The following LRP1 variants were observed in gnomAD, a reference collection of about 807,000 sequenced individuals.
LRP1 encodes prolow-density lipoprotein receptor-related protein 1.
A neutral mutation model predicts 541.5 loss-of-function variants in LRP1; 51 were observed. That is an observed-to-expected ratio of 0.09 (90% CI 0.08 to 0.12). The LOEUF (loss-of-function observed/expected upper bound fraction) is 0.12. Ranked by LOEUF, LRP1 falls within the 10% of genes least tolerant of loss-of-function variation. LRP1 has a pLI of 1.00. For missense variants in LRP1, 3,878 were observed against 6,376.2 expected (o/e 0.61, Z 13.34); for synonymous variants, 2,219 against 2,470.8 (o/e 0.90, Z 3.02).
At chr12:57,193,140 G>A (rs777629470) in intron 45 of LRP1, 36 bp from the exon 46 acceptor site, 63 of 1,609,398 alleles carry the variant, frequency 3.9e-5, no homozygotes, top group Admixed American at 2.7e-4. Context: ...GGCCCACAGC[G>A]CTGGCTCAGA....
At position 57,173,879 on chromosome 12, in the gene LRP1, C is replaced by T. The variant is rs574645167; in HGVS notation, c.3446C>T (p.Ser1149Leu). The change falls in exon 22 of 89, where the codon TCG (serine) becomes TTG (leucine). Residue 1149 changes from serine (S) to leucine (L), a missense_variant. Physicochemically the swap from Ser to Leu is moderately radical, Grantham distance 145 (BLOSUM62 -2). Coordinates refer to ENST00000243077, the MANE Select transcript of LRP1 (RefSeq NM_002332.3). The surrounding 1 kb of genome is among the most constrained non-coding windows in gnomAD (Gnocchi z 4.7). Reference sequence around the variant, plus strand: ...GAGTCCCTGGCCTGCAGGCCACCCTCGCACCCTTGTGCCAACAACACCTCA... The same window carrying T: ...GAGTCCCTGGCCTGCAGGCCACCCTTGCACCCTTGTGCCAACAACACCTCA... ...NCESLACRPPSHPCANNTSVC... is the reference protein window; with the variant it reads ...NCESLACRPPLHPCANNTSVC... 1.0e-4 allele frequency: 162 copies of T among 1,614,226 alleles called. No homozygotes were observed. Among genetic ancestry groups the T allele is most frequent in the East Asian group, 3.6e-4 (16 of 44,874 alleles).
intron 68 of LRP1, 100 bp from the exon 69 acceptor site, chr12:57,203,081 G>A: frequency 2.3e-6 from 2 of 878,392 alleles, no homozygotes; most frequent in South Asian, 1.8e-5. Context: ...GTGGCCTTCA[G>A]AGACACGGGG....
Position 57,206,750 on chromosome 12 carries a change from CCA to C in LRP1, c.11859+10_11859+11del. The C allele has an allele frequency of 6.2e-7, 1 of 1,609,522 alleles. No homozygotes were observed. Among genetic ancestry groups the C allele is most frequent in the Non-Finnish European group, 8.5e-7 (1 of 1,179,550 alleles). On this transcript the variant is annotated intron_variant, in intron 76 of 88. Transcript: ENST00000243077. This position sits in a 1 kb window ranked among gnomAD's most constrained non-coding sequence, Gnocchi z 4.7. ...GTGTCACCCACCTCAACGTGAGTGC[CCA>C]ACCTGGCGTGGATGGAGTGGAAGAG...
Position 57,162,444 on chromosome 12 carries a change from C to G in LRP1, c.2330C>G (p.Pro777Arg). Reference protein sequence around the residue: ...RLERGVGGAPPTVTLLRSERP... With the variant: ...RLERGVGGAPRTVTLLRSERP... ...GAACGGGGTGTAGGAGGCGCACCCC[C>G]CACTGTGACCCTTCTGCGCAGTGAG... Residue 777 changes from proline (P) to arginine (R), a missense_variant, in exon 14 of 89, where the codon CCC (proline) becomes CGC (arginine). Pro to Arg is a moderately radical substitution (Grantham distance 103). Around this residue, in one of 13 missense-constraint regions of LRP1, gnomAD observed 496 missense variants for 861.0 expected, o/e 0.58. Transcript: ENST00000243077. The surrounding 1 kb of genome is among the most constrained non-coding windows in gnomAD (Gnocchi z 5.2). 1.9e-6 allele frequency: 3 copies of G among 1,614,130 alleles called. No individual in the cohort carries two copies. Among genetic ancestry groups the G allele is most frequent in the Non-Finnish European group, 2.5e-6 (3 of 1,180,018 alleles).
Position 57,158,601 on chromosome 12 carries a change from G to A in LRP1, c.1761G>A (p.Lys587=), listed in dbSNP as rs1445553777. 3 of 1,614,164 alleles carry A rather than the reference G, an allele frequency of 1.9e-6. No individual in the cohort carries two copies. The highest frequency in any genetic ancestry group is 1.1e-5 in the South Asian group (1 of 91,080). The part of the protein sequence containing the change: ...DTTSYLIGRQ[K]IDGTERETIL... ...CCAGCTACCTCATTGGCCGCCAGAA[G>A]ATTGATGGCACTGAGCGGGAGACCA... Residue 587 remains lysine, a synonymous_variant, in exon 11 of 89, where the codon AAG becomes AAA. Transcript: ENST00000243077. The surrounding 1 kb of genome is among the most constrained non-coding windows in gnomAD (Gnocchi z 5.3).
chr12:57,149,707 A>G (rs1351196987), intron 6 of LRP1: 1 of 735,948 alleles, frequency 1.4e-6, no homozygotes, highest in South Asian at 1.4e-5. Context: ...GCCCAGGAGA[A>G]CGAGGTGACA....
In LRP1 at chr12:57,185,850, C is replaced by T; in HGVS notation, c.6783C>T (p.His2261=). The T allele has an allele frequency of 1.9e-6, 3 of 1,614,176 alleles. No homozygotes were observed. Among genetic ancestry groups the T allele is most frequent in the Non-Finnish European group, 2.5e-6 (3 of 1,180,032 alleles). ...TPNRIFFSDI[H]FGNIQQINDD... ...ATCGCATCTTCTTCAGCGACATCCA[C>T]TTTGGGAACATCCAACAGATCAACG... is the stretch of plus-strand genomic sequence containing the variant. Residue 2261 remains histidine (H), a synonymous_variant, in exon 41 of 89, where the codon CAC becomes CAT. Transcript: ENST00000243077. This position sits in a 1 kb window ranked among gnomAD's most constrained non-coding sequence, Gnocchi z 4.9.
intron 60 of LRP1, among the ~76,000 whole-genome samples, 172 bp downstream of exon 60, chr12:57,198,842 G>T (rs2036589646): frequency 6.6e-6 from 1 of 152,214 alleles, no homozygotes; most frequent in South Asian, 2.1e-4. Flanking sequence ...GGCTTCCCCA[G>T]CCTGGCCACC....
intron 61 of LRP1, 73 bp downstream of exon 61, chr12:57,199,473 C>T: frequency 6.7e-7 from 1 of 1,493,194 alleles, no homozygotes; most frequent in South Asian, 1.2e-5. Context: ...CCTGCTCATC[C>T]CTTCTCTAGC....
At chr12:57,150,413 G>A (rs527831783) in intron 6 of LRP1, among the ~76,000 whole-genome samples, 174 of 152,170 alleles carry the variant, frequency 1.1e-3, no homozygotes, top group Non-Finnish European at 2.2e-3. Flanking sequence ...GGATGGTCTC[G>A]ATCTCCTGGC....
rs1432072000 is a variant in LRP1 at position 57,212,515 on chromosome 12, G to T, written c.13595G>T (p.Gly4532Val). Residue 4532 changes from glycine (G) to valine (V), a missense_variant, in exon 89 of 89, where the codon GGC becomes GTC. Gly to Val is a moderately radical substitution (Grantham distance 109). Coordinates refer to ENST00000243077, the MANE Select transcript of LRP1 (RefSeq NM_002332.3). The surrounding 1 kb of genome is among the most constrained non-coding windows in gnomAD (Gnocchi z 5.0). ...ACGGACGAGAAGCGAGAACTCCTGGGCCGGGGCCCTGAGGACGAGATAGGG... is the reference window on the plus strand; with the variant it reads ...ACGGACGAGAAGCGAGAACTCCTGGTCCGGGGCCCTGAGGACGAGATAGGG... ...ASTDEKRELL[G>V]RGPEDEIGDP... 5 of 1,613,690 alleles carry T rather than the reference G, an allele frequency of 3.1e-6. No individual in the cohort carries two copies. Among genetic ancestry groups the T allele is most frequent in the Admixed American group, 1.7e-5 (1 of 59,972 alleles).
At position 57,180,872 on chromosome 12, in the gene LRP1, G is replaced by A. The variant is rs1177329680; in HGVS notation, c.5527+65G>A. On this transcript the variant is annotated intron_variant, in intron 33 of 88. Coordinates refer to ENST00000243077, the MANE Select transcript of LRP1 (RefSeq NM_002332.3). ...AACAGGGGAGCCGTCCAGAGCTGCA[G>A]GCTGCAGGGCCATGGGGCAAGGGAG... The A allele has an allele frequency of 1.9e-6, 3 of 1,596,100 alleles. No homozygotes were observed. The East Asian group carries it at 6.7e-5, about 36-fold the overall frequency.
At chr12:57,191,986 AC>A (rs1231024830) in intron 44 of LRP1, among the ~76,000 whole-genome samples, 76 of 13,326 alleles carry the variant, frequency 5.7e-3, no homozygotes, top group South Asian at 0.016. Context: ...ACACATACAC[AC>A]CACACATAGG....
chr12:57,170,091 A>C (rs548965199), intron 20 of LRP1, among the ~76,000 whole-genome samples: 66 of 152,300 alleles, frequency 4.3e-4, no homozygotes, highest in African/African-American at 1.6e-3. Flanking sequence ...GTTTGCTGGC[A>C]ATCTTTGCAG....
chr12:57,180,649 C>A lies in LRP1; in HGVS notation c.5387-18C>A. Reference sequence around the variant, plus strand: ...TGTGGGGCCTTCCCAAGGGTCTCATCCCCTCCTGCTGCCCCAGGGGACAAG... The same window carrying A: ...TGTGGGGCCTTCCCAAGGGTCTCATACCCTCCTGCTGCCCCAGGGGACAAG... On this transcript the variant is annotated intron_variant, in intron 32 of 88. Transcript: ENST00000243077. 1 of 1,613,796 alleles carries A rather than the reference C, an allele frequency of 6.2e-7. No homozygotes were observed. The highest frequency in any genetic ancestry group is 8.5e-7 in the Non-Finnish European group (1 of 1,179,756).
At chr12:57,132,293 A>T (rs1425009671) in intron 1 of LRP1, among the ~76,000 whole-genome samples, 2 of 152,052 alleles carry the variant, frequency 1.3e-5, no homozygotes, top group African/African-American at 4.8e-5. Context: ...ATATGTGGAG[A>T]GTTGTCCCTC....
chr12:57,199,179 G>T (rs747975486), intron 60 of LRP1, 33 bp from the exon 61 acceptor site: 4 of 1,603,272 alleles, frequency 2.5e-6, no homozygotes. Flanking sequence ...AGCTCCGGCT[G>T]ACTGGCACTG....
At position 57,154,739 on chromosome 12, in the gene LRP1, A is replaced by C; in HGVS notation, c.1227+38A>C. 1 of 1,532,344 alleles carries C rather than the reference A, an allele frequency of 6.5e-7. No homozygotes were observed. The highest frequency in any genetic ancestry group is 2.5e-5 in the East Asian group (1 of 40,808). 94.9% of individuals were successfully genotyped at this position (1,532,344 alleles called of 1,614,324 possible). A position where few individuals can be genotyped will look rare whatever the true frequency, so the allele number is the denominator to read the frequency against. On this transcript the variant is annotated intron_variant, in intron 8 of 88. Transcript: ENST00000243077. The surrounding 1 kb of genome is among the most constrained non-coding windows in gnomAD (Gnocchi z 4.6). ...CTGTCTGAGGTTTTGTGGGGGAACC[A>C]TGATCCAGGGCCTTCTGGTGAGGGG...
Position 57,211,108 on chromosome 12 carries a change from C to T in LRP1, c.12917-68C>T, listed in dbSNP as rs1416677242. ...CCAAGATTATGCAAACAGAAAAGCT[C>T]TGTTCAACCTATGGAGAGCCCTCAT... On this transcript the variant is annotated intron_variant, in intron 83 of 88. Coordinates refer to ENST00000243077, the MANE Select transcript of LRP1 (RefSeq NM_002332.3). The surrounding 1 kb of genome is among the most constrained non-coding windows in gnomAD (Gnocchi z 4.3). The T allele has an allele frequency of 3.9e-6, 6 of 1,545,626 alleles. No individual in the cohort carries two copies. The highest frequency in any genetic ancestry group is 5.3e-6 in the Non-Finnish European group (6 of 1,128,812).
Sources: allele counts gnomAD v4.1 joint callset (sites outside exome capture counted in the v4.1 genomes callset), GRCh38; gene constraint gnomAD v4.1.1; regional missense constraint gnomAD v4.1.1; non-coding constraint Gnocchi (gnomAD v3.1); transcripts MANE v1.5; gene names NCBI Gene and HGNC (gene_info 2026-07-23, HGNC 2026-07-21).